Variants in ADAMTS16 observed in about 807,000 individuals in gnomAD.
ADAMTS16 encodes the protein A disintegrin and metalloproteinase with thrombospondin motifs 16.
ADAMTS16 carries 94 observed loss-of-function variants against 145.8 expected under a neutral mutation model. The observed-to-expected ratio is 0.64, with a 90% CI of 0.55 to 0.77. ADAMTS16 has a LOEUF of 0.77. ADAMTS16 is among the 30% of genes least tolerant of loss of function. ADAMTS16 has a pLI of 0.00. For missense variants in ADAMTS16, 1,585 were observed against 1,591.5 expected (o/e 1.00, Z 0.07); for synonymous variants, 659 against 604.3 (o/e 1.09, Z -1.33).
chr5:5,272,511 G>A (rs1291106642), intron 18 of ADAMTS16, among the ~76,000 whole-genome samples: 2 of 151,418 alleles, frequency 1.3e-5, no homozygotes, highest in African/African-American at 4.9e-5. Context: ...ACAGGCACCC[G>A]CCACTACGCC....
chr5:5,252,238 C>A (rs1737652441), intron 17 of ADAMTS16, among the ~76,000 whole-genome samples: 1 of 152,170 alleles, frequency 6.6e-6, no homozygotes, highest in Non-Finnish European at 1.5e-5. Flanking sequence ...TCTCTCCAAA[C>A]ACATCCTGTG....
chr5:5,235,825 G>A (rs58603742), intron 13 of ADAMTS16, among the ~76,000 whole-genome samples: 20,822 of 152,060 alleles, frequency 0.14, 2,330 homozygotes, highest in African/African-American at 0.31. Flanking sequence ...AACATTGCCC[G>A]AAAAAATGAC....
At chr5:5,178,792 G>C (rs1735263238) in intron 3 of ADAMTS16, among the ~76,000 whole-genome samples, 1 of 152,168 alleles carries the variant, frequency 6.6e-6, no homozygotes, top group Admixed American at 6.5e-5. Flanking sequence ...GGAAAGGAGA[G>C]ATGGTTCTGA....
intron 8 of ADAMTS16, among the ~76,000 whole-genome samples, chr5:5,192,385 AATG>A (rs1735686158): frequency 6.6e-6 from 1 of 152,118 alleles, no homozygotes; most frequent in South Asian, 2.1e-4. Context: ...GGGGACTCTA[AATG>A]ATGAAGAACA....
intron 10 of ADAMTS16, among the ~76,000 whole-genome samples, chr5:5,215,945 T>C (rs1736428008): frequency 7.0e-6 from 1 of 143,770 alleles, no homozygotes; most frequent in Non-Finnish European, 1.5e-5. Flanking sequence ...TGTTGATTGA[T>C]GGGCATTTGG....
intron 10 of ADAMTS16, among the ~76,000 whole-genome samples, chr5:5,214,353 T>C (rs988555869): frequency 6.6e-6 from 1 of 152,226 alleles, no homozygotes; most frequent in Non-Finnish European, 1.5e-5. Flanking sequence ...TCATTCCTTA[T>C]GATATATAAA....
At chr5:5,278,603 T>C (rs1738785747) in intron 18 of ADAMTS16, among the ~76,000 whole-genome samples, 1 of 152,228 alleles carries the variant, frequency 6.6e-6, no homozygotes, top group South Asian at 2.1e-4. Flanking sequence ...AAAAGATATA[T>C]CAACTTCATG....
intron 18 of ADAMTS16, among the ~76,000 whole-genome samples, chr5:5,284,118 A>G (rs998267223): frequency 1.1e-4 from 17 of 152,200 alleles, no homozygotes; most frequent in Admixed American, 7.2e-4. Context: ...TTTAGAAAAC[A>G]CACCATATAT....
At chr5:5,236,867 T>G in intron 13 of ADAMTS16, 102 bp from the exon 14 acceptor site, 1 of 1,424,268 alleles carries the variant, frequency 7.0e-7, no homozygotes, top group Non-Finnish European at 9.3e-7. Context: ...GTGGGAGTTA[T>G]TTTATGGGGG....
chr5:5,207,630 C>A (rs1560949183), intron 9 of ADAMTS16, among the ~76,000 whole-genome samples: 1 of 151,580 alleles, frequency 6.6e-6, no homozygotes, highest in Non-Finnish European at 1.5e-5. Context: ...AGTGGAGAAG[C>A]TTTAAGTTTC....
chr5:5,306,542 C>A lies in ADAMTS16; in HGVS notation c.3225C>A (p.Phe1075Leu). ...GTGAAAGAGGAACACAGAAAAGATT[C>A]TTAAAATGTGCTGAAAAGTATGTTT... is the stretch of plus-strand genomic sequence containing the variant. The part of the protein sequence containing the change: ...VTCERGTQKR[F>L]LKCAEKYVSG... Residue 1075 changes from phenylalanine (F) to leucine (L), a missense_variant, in exon 21 of 23, where the codon TTC becomes TTA. Transcript: ENST00000274181. The A allele has an allele frequency of 1.2e-6, 2 of 1,614,126 alleles. No homozygotes were observed. The highest frequency in any genetic ancestry group is 1.7e-4 in the Middle Eastern group (1 of 6,060).
rs371654781 is a variant in ADAMTS16 at position 5,237,071 on chromosome 5, G to C, written c.2126G>C (p.Arg709Pro). Reference protein sequence around the residue: ...KDGTPCSEDSRNVCIDGICER... With the variant: ...KDGTPCSEDSPNVCIDGICER... ...GGGACTCCATGCTCGGAGGATAGCC[G>C]TAATGTTTGTATAGATGGGATATGT... The change falls in exon 14 of 23, where the codon CGT (arginine) becomes CCT (proline). Residue 709 changes from arginine to proline, a missense_variant. Transcript: ENST00000274181. 1.2e-6 allele frequency: 2 copies of C among 1,613,914 alleles called. No homozygotes were observed. The highest frequency in any genetic ancestry group is 1.7e-6 in the Non-Finnish European group (2 of 1,179,942).
At chr5:5,201,127 T>C (rs1735943055) in intron 9 of ADAMTS16, among the ~76,000 whole-genome samples, 1 of 152,260 alleles carries the variant, frequency 6.6e-6, no homozygotes, top group African/African-American at 2.4e-5. Flanking sequence ...CCTGTGACCT[T>C]TCCTCTTCCA....
At chr5:5,268,811 C>A (rs897173912) in intron 18 of ADAMTS16, among the ~76,000 whole-genome samples, 22 of 152,160 alleles carry the variant, frequency 1.4e-4, no homozygotes, top group Non-Finnish European at 3.1e-4. Flanking sequence ...TGCAGCAGGT[C>A]CTGGCCTTAG....
chr5:5,168,615 A>G (rs1734952086), intron 3 of ADAMTS16, among the ~76,000 whole-genome samples: 1 of 106,696 alleles, frequency 9.4e-6, no homozygotes, highest in Non-Finnish European at 1.9e-5. Flanking sequence ...TTATATTTTT[A>G]TATATTATAT....
At chr5:5,303,873 T>A (rs1739908058) in intron 20 of ADAMTS16, 107 bp downstream of exon 20, 1 of 1,307,262 alleles carries the variant, frequency 7.6e-7, no homozygotes, top group East Asian at 2.5e-5. Flanking sequence ...TCCCCTTATA[T>A]CTCTTCTTGG....
At chr5:5,238,354 T>G (rs1737175933) in intron 14 of ADAMTS16, among the ~76,000 whole-genome samples, 1 of 152,152 alleles carries the variant, frequency 6.6e-6, no homozygotes, top group Non-Finnish European at 1.5e-5. Flanking sequence ...TTACTGTAAA[T>G]CTGTAGGGTT....
intron 12 of ADAMTS16, among the ~76,000 whole-genome samples, 200 bp downstream of exon 12, chr5:5,232,716 GC>G (rs1736971156): frequency 6.7e-6 from 1 of 148,382 alleles, no homozygotes; most frequent in Non-Finnish European, 1.5e-5. Flanking sequence ...CTATTCTCCT[GC>G]CTCAGCCTCC....
intron 20 of ADAMTS16, 169 bp downstream of exon 20, chr5:5,303,935 CT>C: frequency 1.3e-6 from 1 of 751,066 alleles, no homozygotes. Context: ...GCTTAATCTC[CT>C]TTGGCTTCTG....
Sources: allele counts gnomAD v4.1 joint callset (sites outside exome capture counted in the v4.1 genomes callset), GRCh38; gene constraint gnomAD v4.1.1; transcripts MANE v1.5; gene names NCBI Gene and HGNC (gene_info 2026-07-23, HGNC 2026-07-21).